Variants in MME observed in about 807,000 individuals in gnomAD.
MME encodes membrane metalloendopeptidase, also known as neprilysin.
Under a neutral mutation model 113.2 loss-of-function variants are expected in MME, and 98 were observed. That is an observed-to-expected ratio of 0.87 (90% CI 0.74 to 1.02). The LOEUF (loss-of-function observed/expected upper bound fraction) is 1.02, where lower values mean the gene tolerates loss of function less well. Ranked by LOEUF, MME falls within the 50% of genes least tolerant of loss-of-function variation. The probability of loss-of-function intolerance (pLI) is 0.00; values close to 1 mark genes in which losing one functional copy is unlikely to be tolerated. For synonymous variants in MME, 292 were observed against 300.6 expected, an observed-to-expected ratio of 0.97 and a Z score of 0.30; for missense variants, 836 against 896.0, an observed-to-expected ratio of 0.93 and a Z score of 0.86.
intron 8 of MME, among the ~76,000 whole-genome samples, chr3:155,121,403 T>C (rs1719116704): frequency 6.6e-6 from 1 of 151,454 alleles, no homozygotes; most frequent in African/African-American, 2.4e-5. Flanking sequence ...TTGGATACCC[T>C]TTATTTCCTT....
intron 1 of MME, among the ~76,000 whole-genome samples, chr3:155,046,519 C>G (rs1038290412): frequency 1.3e-5 from 2 of 152,112 alleles, no homozygotes; most frequent in African/African-American, 4.8e-5. Context: ...GAAACCCCAT[C>G]TCTACTAAAA....
At chr3:155,025,671 T>G (rs1256949779) in intron 1 of MME, among the ~76,000 whole-genome samples, 1 of 148,154 alleles carries the variant, frequency 6.7e-6, no homozygotes, top group Non-Finnish European at 1.5e-5. Flanking sequence ...TGGTATCAGA[T>G]TTTTTCTTTC....
intron 13 of MME, 90 bp downstream of exon 13, chr3:155,143,661 G>A (rs1184203123): frequency 4.7e-6 from 7 of 1,484,500 alleles, no homozygotes; most frequent in Non-Finnish European, 6.5e-6. Context: ...CCATCATTTG[G>A]CTAAAATTTT....
chr3:155,155,164 C>T (rs576041974), intron 16 of MME, among the ~76,000 whole-genome samples: 1 of 152,000 alleles, frequency 6.6e-6, no homozygotes, highest in African/African-American at 2.4e-5. Flanking sequence ...TGTTTTGTTT[C>T]GTTTTGTTTT....
chr3:155,074,316 C>T (rs1012804728), intron 1 of MME, among the ~76,000 whole-genome samples: 1 of 152,046 alleles, frequency 6.6e-6, no homozygotes, highest in Non-Finnish European at 1.5e-5. Flanking sequence ...TGATAGATAC[C>T]TCAATTGACA....
chr3:155,040,239 CTG>C (rs1713261917), intron 1 of MME, among the ~76,000 whole-genome samples: 1 of 152,144 alleles, frequency 6.6e-6, no homozygotes, highest in Non-Finnish European at 1.5e-5. Flanking sequence ...TGAAGGTTGT[CTG>C]TGCATTGTAG....
chr3:155,164,223 T>C (rs1306908016), intron 17 of MME, among the ~76,000 whole-genome samples: 2 of 151,346 alleles, frequency 1.3e-5, no homozygotes, highest in Non-Finnish European at 2.9e-5. Flanking sequence ...ACATATGAAA[T>C]ATTCTAAAAT....
intron 22 of MME, 90 bp downstream of exon 22, chr3:155,172,702 T>C (rs1712118009): frequency 4.0e-6 from 4 of 1,011,358 alleles, no homozygotes; most frequent in Non-Finnish European, 6.3e-6. Context: ...CTCTGATTCT[T>C]TTACATTTGG....
chr3:155,061,108 G>T (rs1332395453), intron 1 of MME, among the ~76,000 whole-genome samples: 1 of 152,132 alleles, frequency 6.6e-6, no homozygotes, highest in Non-Finnish European at 1.5e-5. Context: ...ATGATCATTT[G>T]CATGTAACAC....
intron 16 of MME, among the ~76,000 whole-genome samples, chr3:155,153,599 A>T (rs1722107592): frequency 6.6e-6 from 1 of 152,128 alleles, no homozygotes; most frequent in African/African-American, 2.4e-5. Flanking sequence ...TTTAGACTTG[A>T]TGTTATTTTG....
chr3:155,027,534 C>T (rs937811773), intron 1 of MME, among the ~76,000 whole-genome samples: 50 of 152,224 alleles, frequency 3.3e-4, no homozygotes, highest in Non-Finnish European at 1.3e-4. Context: ...TGGGCCTTTG[C>T]TCATGCTACT....
In MME at chr3:155,130,204, A is replaced by T. The variant is rs1720031576; in HGVS notation, c.721-7898A>T. On this transcript the variant is annotated intron_variant, in intron 8 of 22. Transcript: ENST00000360490. ...CAATAAGTGAGGTTAGTGGTTTCCA[A>T]CTCTAAGGACTACTTTGTGTGTGCC... 2.0e-5 allele frequency among the ~76,000 whole-genome samples: 3 copies of T among 152,280 alleles called. 1 individual carries two copies. In the South Asian group the frequency reaches 6.2e-4, roughly 32 times the overall value.
At chr3:155,064,028 T>C (rs145303720) in intron 1 of MME, among the ~76,000 whole-genome samples, 4,104 of 152,090 alleles carry the variant, frequency 0.027, 71 homozygotes, top group Non-Finnish European at 0.035. Context: ...TGGTGGCTCA[T>C]GCCTGTAATC....
intron 6 of MME, 24 bp downstream of exon 6, chr3:155,116,783 A>G (rs756494351): frequency 1.9e-6 from 3 of 1,596,842 alleles, no homozygotes; most frequent in African/African-American, 2.7e-5. Context: ...CCTACTAAAA[A>G]AGAAATTTCC....
chr3:155,114,408 A>C (rs143907344), intron 3 of MME, among the ~76,000 whole-genome samples: 1 of 152,232 alleles, frequency 6.6e-6, no homozygotes, highest in African/African-American at 2.4e-5. Context: ...ATAAGCTTAC[A>C]GCCAGTTTTA....
rs16824555 is a variant in MME, at chr3:155,093,153, A to C, written c.196+8059A>C. On this transcript the variant is annotated intron_variant, in intron 3 of 22. Coordinates refer to ENST00000360490, the MANE Select transcript of MME (RefSeq NM_007289.4). Reference sequence around the variant, plus strand: ...CTCATGTTTTGATCTTATGCTTGCTATTGTATGTTGAGTCCATTGAGCTCC... The same window carrying C: ...CTCATGTTTTGATCTTATGCTTGCTCTTGTATGTTGAGTCCATTGAGCTCC... Among the ~76,000 whole-genome samples, 1,480 of 151,594 alleles carry C rather than the reference A, an allele frequency of 9.8e-3. 24 individuals are homozygous for C. Among genetic ancestry groups the C allele is most frequent in the African/African-American group, 0.034 (1,415 of 41,362 alleles).
upstream of MME, among the ~76,000 whole-genome samples, chr3:155,079,449 T>G (rs1216833930): frequency 6.6e-6 from 1 of 151,936 alleles, no homozygotes; most frequent in African/African-American, 2.4e-5. Context: ...GCAAAGCCCT[T>G]TTGGGAATGG....
At chr3:155,074,918 A>T (rs1406936222), upstream of MME, among the ~76,000 whole-genome samples, 1 of 152,052 alleles carries the variant, frequency 6.6e-6, no homozygotes, top group Non-Finnish European at 1.5e-5. Context: ...TAGGTGCTTA[A>T]AAAAATATAC....
intron 16 of MME, among the ~76,000 whole-genome samples, chr3:155,157,347 T>G (rs1722392957): frequency 6.6e-6 from 1 of 152,138 alleles, no homozygotes; most frequent in Non-Finnish European, 1.5e-5. Context: ...AGTCTGATAC[T>G]GCTCTGTGGA....
Sources: gnomAD v4.1 joint callset for allele counts (sites outside exome capture counted in the v4.1 genomes callset) on GRCh38, gnomAD v4.1.1 for gene constraint, MANE v1.5 for transcripts, NCBI Gene and HGNC (gene_info 2026-07-23, HGNC 2026-07-21) for gene names.